Variants in RGPD1 observed in about 807,000 individuals in gnomAD.
The protein encoded by RGPD1 is RANBP2 like and GRIP domain containing 1.
A neutral mutation model predicts 40.6 loss-of-function variants in RGPD1; 7 were observed. That is an observed-to-expected ratio of 0.17 (90% confidence interval 0.10 to 0.32). The LOEUF is 0.32. Ranked by LOEUF, RGPD1 falls within the 10% of genes least tolerant of loss-of-function variation. The pLI, the probability that RGPD1 is intolerant of heterozygous loss-of-function variation, is 1.00. For missense variants in RGPD1, 50 were observed against 472.5 expected (o/e 0.11, Z 8.29); for synonymous variants, 24 against 167.0 (o/e 0.14, Z 6.60).
upstream of RGPD1, among the ~76,000 whole-genome samples, chr2:86,938,926 A>C (rs1242699672): frequency 7.8e-6 from 1 of 128,412 alleles, no homozygotes; most frequent in East Asian, 2.2e-4. Context: ...AGTGGGCATA[A>C]ACTTTCAATT....
upstream of RGPD1, among the ~76,000 whole-genome samples, chr2:86,941,095 G>T (rs925937585): frequency 1.3e-4 from 20 of 151,920 alleles, no homozygotes; most frequent in African/African-American, 4.8e-4. Flanking sequence ...AACCAAAATA[G>T]CCCAAATTTC....
At chr2:87,007,518 C>T (rs1272916595) in intron 22 of RGPD1, among the ~76,000 whole-genome samples, 1 of 151,468 alleles carries the variant, frequency 6.6e-6, no homozygotes, top group Non-Finnish European at 1.5e-5. Flanking sequence ...GCTGGGACTA[C>T]AGGTGCATGG....
intron 1 of RGPD1, among the ~76,000 whole-genome samples, chr2:86,918,453 C>CCTTT (rs1248546327): frequency 2.6e-5 from 2 of 78,110 alleles, no homozygotes; most frequent in Non-Finnish European, 4.5e-5. Context: ...CACACCAAAT[C>CCTTT]TTTTTTTTTT....
intron 1 of RGPD1, chr2:86,930,701 C>G: frequency 6.3e-7 from 1 of 1,586,256 alleles, no homozygotes; most frequent in Admixed American, 1.7e-5. Flanking sequence ...GTTGCGGCGC[C>G]CGAAGTGCCC....
At chr2:86,923,332 A>G (rs1678178188) in intron 1 of RGPD1, among the ~76,000 whole-genome samples, 1 of 151,282 alleles carries the variant, frequency 6.6e-6, no homozygotes. Context: ...GAGCCACTGC[A>G]CCTGGCCTCC....
intron 1 of RGPD1, among the ~76,000 whole-genome samples, chr2:86,918,584 C>T (rs1346813588): frequency 2.0e-5 from 3 of 147,048 alleles, no homozygotes; most frequent in South Asian, 2.2e-4. Flanking sequence ...CTCAGCCTCC[C>T]GAGTAGCCGG....
chr2:86,930,830 A>G, intron 1 of RGPD1: 3 of 819,074 alleles, frequency 3.7e-6, no homozygotes, highest in South Asian at 1.7e-5. Context: ...CTCTGCTGCC[A>G]CTGCCATGGT....
intron 1 of RGPD1, among the ~76,000 whole-genome samples, chr2:86,943,464 G>A (rs1680078962): frequency 6.6e-6 from 1 of 152,020 alleles, no homozygotes. Flanking sequence ...TTTAGTAATT[G>A]GATCTAAAGA....
At chr2:86,929,689 CTTTTT>C (rs753911867) in intron 1 of RGPD1, among the ~76,000 whole-genome samples, 52 of 52,520 alleles carry the variant, frequency 9.9e-4, no homozygotes, top group South Asian at 3.8e-3. Context: ...AGCCCACACT[CTTTTT>C]TTTTTTTTTT....
chr2:86,914,873 GCGGCGGCGGCGGCCTCGACCTGGCC>G lies in RGPD1; in HGVS notation c.72+953_72+977del, dbSNP rs1677709894. 2.8e-4 allele frequency among the ~76,000 whole-genome samples: 8 copies of G among 28,438 alleles called. 3 individuals are homozygous for G. Among genetic ancestry groups the G allele is most frequent in the African/African-American group, 1.3e-3 (8 of 6,214 alleles). 18.7% of individuals were successfully genotyped at this position (28,438 alleles called of 152,430 possible). ...GGCGGCGGCGGCGGCGGCGGCGGCG[GCGGCGGCGGCGGCCTCGACCTGGCC>G]GGGCGGCGGCGGAGGCGGCGGCCTC... On this transcript the variant is annotated intron_variant, in intron 1 of 22. Coordinates refer to the RGPD1 transcript ENST00000398193.
At chr2:86,945,719 A>T (rs1041695648) in intron 1 of RGPD1, among the ~76,000 whole-genome samples, 2 of 150,942 alleles carry the variant, frequency 1.3e-5, no homozygotes, top group African/African-American at 4.9e-5. Flanking sequence ...CTCTATTAAA[A>T]ATACAAAAAT....
chr2:86,939,833 C>T (rs1330915762), upstream of RGPD1, among the ~76,000 whole-genome samples: 1 of 75,626 alleles, frequency 1.3e-5, no homozygotes, highest in Non-Finnish European at 2.5e-5. Flanking sequence ...CACCTAGCCT[C>T]AAGAGATCCT....
intron 1 of RGPD1, among the ~76,000 whole-genome samples, chr2:86,944,884 G>A (rs989056449): frequency 6.6e-6 from 1 of 151,116 alleles, no homozygotes; most frequent in Admixed American, 6.6e-5. Flanking sequence ...CACCATGCCC[G>A]GCTTTTTTCT....
intron 1 of RGPD1, among the ~76,000 whole-genome samples, chr2:86,943,022 A>C: frequency 5.4e-5 from 8 of 146,966 alleles, no homozygotes; most frequent in African/African-American, 1.5e-4. Context: ...GTTTCTTCCC[A>C]TGTCCTGGAC....
intron 1 of RGPD1, 41 bp downstream of exon 1, chr2:86,942,349 G>A: frequency 4.2e-6 from 4 of 957,368 alleles, no homozygotes; most frequent in South Asian, 2.2e-5. Context: ...CGACCTGGCC[G>A]GGCGGCGGCC....
chr2:86,916,174 C>G (rs1349604179), intron 1 of RGPD1, among the ~76,000 whole-genome samples: 1 of 151,822 alleles, frequency 6.6e-6, no homozygotes, highest in Non-Finnish European at 1.5e-5. Context: ...CTGGAGGTGA[C>G]AGTGAGCTAT....
chr2:86,941,273 T>C (rs1014801110), upstream of RGPD1, among the ~76,000 whole-genome samples: 3 of 149,728 alleles, frequency 2.0e-5, no homozygotes, highest in Non-Finnish European at 4.5e-5. Flanking sequence ...ATAGACATTT[T>C]TGAAGATTTG....
At chr2:86,925,005 C>G (rs953501280) in intron 1 of RGPD1, among the ~76,000 whole-genome samples, 2 of 151,988 alleles carry the variant, frequency 1.3e-5, no homozygotes, top group African/African-American at 4.8e-5. Context: ...ACCTGTAGTC[C>G]TAGCTACTTG....
chr2:86,962,416 G>A (rs1389622198), intron 6 of RGPD1, among the ~76,000 whole-genome samples: 2 of 109,838 alleles, frequency 1.8e-5, no homozygotes, highest in Admixed American at 8.5e-5. Context: ...GCTGAGTCAG[G>A]AGAATCACTT....
Sources: gnomAD v4.1 joint callset for allele counts (sites outside exome capture counted in the v4.1 genomes callset) on GRCh38, gnomAD v4.1.1 for gene constraint, MANE v1.5 for transcripts, NCBI Gene and HGNC (gene_info 2026-07-23, HGNC 2026-07-21) for gene names.